ZFHX3: variants seen among roughly 807,000 people sequenced by gnomAD.
ZFHX3 encodes the protein zinc finger homeobox 3, also known as zinc finger homeobox protein 3.
ZFHX3 carries 42 observed loss-of-function variants against 279.1 expected under a neutral mutation model. The observed-to-expected ratio is 0.15, with a 90% CI of 0.12 to 0.19. The LOEUF is 0.19. ZFHX3 is among the 10% of genes least tolerant of loss of function. The pLI is 1.00. For synonymous variants in ZFHX3, 2,293 were observed against 1,957.8 expected (o/e 1.17, Z -4.52); for missense variants, 4,981 against 4,754.0 (o/e 1.05, Z -1.40).
At chr16:73,415,882 G>A (rs2017562551) in intron 3 of ZFHX3, among the ~76,000 whole-genome samples, 2 of 152,262 alleles carry the variant, frequency 1.3e-5, no homozygotes, top group African/African-American at 4.8e-5. Context: ...CACTTTGGGA[G>A]GCCAAGGTTG....
intron 5 of ZFHX3, among the ~76,000 whole-genome samples, chr16:72,828,847 C>T (rs776368279): frequency 1.3e-5 from 2 of 151,586 alleles, no homozygotes; most frequent in African/African-American, 4.9e-5. Context: ...GTACTACCAG[C>T]GTGCACCACA....
intron 6 of ZFHX3, among the ~76,000 whole-genome samples, chr16:73,132,358 C>T (rs566166060): frequency 7.4e-4 from 113 of 152,048 alleles, no homozygotes; most frequent in Non-Finnish European, 1.4e-3. Context: ...ACTTGTGCCT[C>T]CCTGGAGAAA....
chr16:73,528,083 T>A (rs1222115380), intron 2 of ZFHX3, among the ~76,000 whole-genome samples: 1 of 152,250 alleles, frequency 6.6e-6, no homozygotes, highest in Non-Finnish European at 1.5e-5. Flanking sequence ...CTCTACATTT[T>A]AGTATCCTTT....
chr16:73,028,014 C>T (rs1355063728), intron 1 of ZFHX3, among the ~76,000 whole-genome samples: 1 of 152,168 alleles, frequency 6.6e-6, no homozygotes, highest in Non-Finnish European at 1.5e-5. Flanking sequence ...GGGGAGCCAG[C>T]ACCCACCTCC....
chr16:72,861,155 C>G (rs186582279), intron 4 of ZFHX3, among the ~76,000 whole-genome samples: 1 of 152,232 alleles, frequency 6.6e-6, no homozygotes, highest in Non-Finnish European at 1.5e-5. Context: ...TCTGGAAGTG[C>G]TTGGTACCAA....
chr16:73,093,950 A>C (rs1282828270), intron 7 of ZFHX3, among the ~76,000 whole-genome samples: 1 of 152,172 alleles, frequency 6.6e-6, no homozygotes, highest in Non-Finnish European at 1.5e-5. Context: ...CCGGCATGGC[A>C]CGGGTGAGTC....
chr16:73,512,474 T>A (rs1597365053), intron 2 of ZFHX3, among the ~76,000 whole-genome samples: 4 of 140,632 alleles, frequency 2.8e-5, no homozygotes, highest in Admixed American at 7.1e-5. Context: ...AAAGAATGGA[T>A]CTATACAGAA....
chr16:73,376,617 A>G (rs1484327234), intron 3 of ZFHX3, among the ~76,000 whole-genome samples: 1 of 152,146 alleles, frequency 6.6e-6, no homozygotes, highest in Non-Finnish European at 1.5e-5. Flanking sequence ...GTCAATGTTG[A>G]AATCTTAATT....
intron 2 of ZFHX3, among the ~76,000 whole-genome samples, chr16:73,529,002 C>G (rs540215534): frequency 6.6e-6 from 1 of 152,230 alleles, no homozygotes; most frequent in Non-Finnish European, 1.5e-5. Flanking sequence ...TAGGGGTTTC[C>G]TTGAGGACAA....
chr16:72,974,951 G>C (rs1962286604), intron 1 of ZFHX3, among the ~76,000 whole-genome samples: 1 of 152,106 alleles, frequency 6.6e-6, no homozygotes, highest in African/African-American at 2.4e-5. Flanking sequence ...GGCTTGAGAG[G>C]TTTATTTCAT....
At chr16:73,258,591 G>C (rs1348591148) in intron 4 of ZFHX3, among the ~76,000 whole-genome samples, 1 of 151,920 alleles carries the variant, frequency 6.6e-6, no homozygotes, top group Non-Finnish European at 1.5e-5. Context: ...CTCGTGATCC[G>C]CCCACCTCAG....
chr16:73,845,604 C>A (rs957751437), intron 1 of ZFHX3, among the ~76,000 whole-genome samples: 2 of 151,910 alleles, frequency 1.3e-5, no homozygotes, highest in African/African-American at 4.8e-5. Flanking sequence ...AATTCCGAGT[C>A]AGCAGATCTA....
intron 1 of ZFHX3, chr16:73,815,824 CAA>C (rs1457304678): frequency 6.6e-6 from 1 of 152,238 alleles, no homozygotes; most frequent in African/African-American, 2.4e-5. Context: ...CTCGGCCTCC[CAA>C]AGTGTTGGGA....
intron 1 of ZFHX3, among the ~76,000 whole-genome samples, chr16:73,013,723 T>G (rs1288875715): frequency 6.6e-6 from 1 of 152,168 alleles, no homozygotes; most frequent in East Asian, 1.9e-4. Flanking sequence ...TCTCGAAGCC[T>G]CTTCCCTCAT....
chr16:73,730,546 T>C (rs1160845362), intron 1 of ZFHX3, among the ~76,000 whole-genome samples: 1 of 152,122 alleles, frequency 6.6e-6, no homozygotes, highest in Non-Finnish European at 1.5e-5. Context: ...AGCGGGCAAG[T>C]ACCCGGAGAC....
chr16:72,982,411 T>C (rs1005597026), intron 1 of ZFHX3, among the ~76,000 whole-genome samples: 44 of 152,184 alleles, frequency 2.9e-4, no homozygotes, highest in Non-Finnish European at 4.6e-4. Context: ...GAAGGCATCA[T>C]TTCCTTAAAG....
chr16:73,240,213 G>A (rs74249779), intron 5 of ZFHX3, among the ~76,000 whole-genome samples: 14,127 of 150,478 alleles, frequency 0.094, 1,007 homozygotes, highest in East Asian at 0.43. Context: ...CATGCTTGCA[G>A]GGTATTTTCT....
At position 72,795,392 on chromosome 16, in the gene ZFHX3, T is replaced by A; in HGVS notation, c.7290A>T (p.Pro2430=). The A allele has an allele frequency of 6.2e-7, 1 of 1,614,142 alleles. No individual in the cohort carries two copies. The highest frequency in any genetic ancestry group is 8.5e-7 in the Non-Finnish European group (1 of 1,180,026). Residue 2430 remains proline (P), a synonymous_variant, in exon 9 of 10, where the codon CCA becomes CCT. Transcript: ENST00000268489. ...GTGCACTGGGAGCTTCCGCCAGCTT[T>A]GGTTTCTCATCGCCTGCCTCTGTTT... is the stretch of plus-strand genomic sequence containing the variant. ...NSKTEAGDEK[P]KLAEAPSAQP...
At chr16:73,308,693 T>C (rs1036058163) in intron 4 of ZFHX3, among the ~76,000 whole-genome samples, 2 of 152,156 alleles carry the variant, frequency 1.3e-5, no homozygotes, top group African/African-American at 2.4e-5. Context: ...GAACAACTTA[T>C]GCATTTATCG....
Sources: gnomAD v4.1 joint callset for allele counts (sites outside exome capture counted in the v4.1 genomes callset) on GRCh38, gnomAD v4.1.1 for gene constraint, MANE v1.5 for transcripts, NCBI Gene and HGNC (gene_info 2026-07-23, HGNC 2026-07-21) for gene names.